Variants in ZSWIM5 observed in about 807,000 individuals in gnomAD.
ZSWIM5 encodes zinc finger SWIM domain-containing protein 5.
In ZSWIM5, 55 loss-of-function variants were observed where a neutral mutation model predicts 119.6. The observed-to-expected ratio is 0.46, with a 90% CI of 0.37 to 0.58. The LOEUF (loss-of-function observed/expected upper bound fraction) is 0.58, where lower values mean the gene tolerates loss of function less well. ZSWIM5 is among the 20% of genes least tolerant of loss of function. ZSWIM5 has a pLI of 0.00. For missense variants in ZSWIM5, 1,193 were observed against 1,512.8 expected (o/e 0.79, Z 3.51); for synonymous variants, 537 against 606.9 (o/e 0.88, Z 1.69).
intron 1 of ZSWIM5, among the ~76,000 whole-genome samples, chr1:45,182,580 A>G (rs1646028264): frequency 6.6e-6 from 1 of 152,142 alleles, no homozygotes; most frequent in Non-Finnish European, 1.5e-5. Context: ...GAAAACAAAA[A>G]AAGGCAGGGG....
intron 1 of ZSWIM5, among the ~76,000 whole-genome samples, chr1:45,161,162 G>A (rs982905979): frequency 2.0e-5 from 3 of 151,898 alleles, no homozygotes; most frequent in African/African-American, 7.3e-5. Context: ...TCTGTAGGTG[G>A]ACACTTGGGT....
At chr1:45,090,509 C>T (rs923710356) in intron 1 of ZSWIM5, among the ~76,000 whole-genome samples, 8 of 151,914 alleles carry the variant, frequency 5.3e-5, no homozygotes, top group African/African-American at 1.5e-4. Context: ...CCAGCACTTT[C>T]GGAGACCAAG....
chr1:45,040,570 G>C (rs1301681077), intron 6 of ZSWIM5, 32 bp from the exon 7 acceptor site: 1 of 1,550,364 alleles, frequency 6.5e-7, no homozygotes, highest in Non-Finnish European at 8.7e-7. Flanking sequence ...TTTTGGTCTA[G>C]TTAAAATTTC....
At chr1:45,149,154 T>C (rs1275828963) in intron 1 of ZSWIM5, among the ~76,000 whole-genome samples, 3 of 152,002 alleles carry the variant, frequency 2.0e-5, no homozygotes, top group Admixed American at 2.0e-4. Flanking sequence ...TCTATAGTCC[T>C]AACTGATACT....
chr1:45,152,736 A>C (rs1645804627), intron 1 of ZSWIM5, among the ~76,000 whole-genome samples: 1 of 152,152 alleles, frequency 6.6e-6, no homozygotes, highest in South Asian at 2.1e-4. Flanking sequence ...TTTGCAACAA[A>C]AACAAAAATT....
chr1:45,139,119 T>C (rs1343971770), intron 1 of ZSWIM5, among the ~76,000 whole-genome samples: 1 of 151,984 alleles, frequency 6.6e-6, no homozygotes, highest in African/African-American at 2.4e-5. Flanking sequence ...TGACCTCAAA[T>C]GGTCCGCCTG....
At chr1:45,152,345 A>T (rs763873570) in intron 1 of ZSWIM5, among the ~76,000 whole-genome samples, 3 of 152,222 alleles carry the variant, frequency 2.0e-5, no homozygotes, top group Non-Finnish European at 4.4e-5. Context: ...AGTTTGGCCA[A>T]GGTGGTGGTG....
chr1:45,186,090 T>C (rs1198638838), intron 1 of ZSWIM5, among the ~76,000 whole-genome samples: 7 of 151,614 alleles, frequency 4.6e-5, no homozygotes, highest in African/African-American at 9.7e-5. Context: ...GATGAGTTCA[T>C]GTCCTTTGTA....
intron 5 of ZSWIM5, 37 bp downstream of exon 5, chr1:45,051,037 T>A: frequency 6.3e-7 from 1 of 1,589,174 alleles, no homozygotes; most frequent in South Asian, 1.1e-5. Context: ...CTTTTGAAGT[T>A]CCAGGTACAA....
chr1:45,167,390 T>C (rs558382010), intron 1 of ZSWIM5, among the ~76,000 whole-genome samples: 9,285 of 151,488 alleles, frequency 0.061, 333 homozygotes, highest in East Asian at 0.11. Context: ...ACCTAGGCAA[T>C]ACCATTCAGG....
At chr1:45,182,110 T>A (rs994774589) in intron 1 of ZSWIM5, among the ~76,000 whole-genome samples, 6 of 152,176 alleles carry the variant, frequency 3.9e-5, no homozygotes, top group Admixed American at 3.9e-4. Context: ...ATGGACTAAA[T>A]GCTCCAATTA....
At chr1:45,159,658 G>A (rs767744675) in intron 1 of ZSWIM5, among the ~76,000 whole-genome samples, 39 of 151,910 alleles carry the variant, frequency 2.6e-4, no homozygotes, top group Non-Finnish European at 1.3e-4. Flanking sequence ...GCACGATCTA[G>A]GCTCACTGCA....
At chr1:45,081,528 G>C (rs1329758958) in intron 2 of ZSWIM5, among the ~76,000 whole-genome samples, 1 of 152,218 alleles carries the variant, frequency 6.6e-6, no homozygotes, top group Non-Finnish European at 1.5e-5. Context: ...GGCCGGGCTG[G>C]TCTCCAGCTC....
chr1:45,089,241 CA>C (rs1183244737), intron 1 of ZSWIM5, among the ~76,000 whole-genome samples: 12 of 152,140 alleles, frequency 7.9e-5, no homozygotes, highest in Non-Finnish European at 1.3e-4. Context: ...CTCAGCCTCC[CA>C]AAGTGCTGGG....
intron 1 of ZSWIM5, among the ~76,000 whole-genome samples, chr1:45,156,265 T>C (rs1645826493): frequency 6.6e-6 from 1 of 151,304 alleles, no homozygotes; most frequent in African/African-American, 2.4e-5. Context: ...AAGATGGCAA[T>C]ATTAGACACT....
Position 45,088,326 on chromosome 1 carries a change from A to T in ZSWIM5, c.596-89T>A. ...TACATGTAAATTCATCAATTCATAA[A>T]TTATGTATTGGGTATCTCCTACACA... On this transcript the variant is annotated intron_variant, in intron 1 of 13. Transcript: ENST00000359600. The surrounding 1 kb of genome is among the most constrained non-coding windows in gnomAD (Gnocchi z 4.2). The T allele has an allele frequency of 3.1e-6, 3 of 953,894 alleles. No individual in the cohort carries two copies. The highest frequency in any genetic ancestry group is 4.6e-6 in the Non-Finnish European group (3 of 651,608). 59.1% of individuals were successfully genotyped at this position (953,894 alleles called of 1,614,324 possible). A position where few individuals can be genotyped will look rare whatever the true frequency, so the allele number is the denominator to read the frequency against.
At chr1:45,156,347 T>C (rs1166436078) in intron 1 of ZSWIM5, among the ~76,000 whole-genome samples, 1 of 151,920 alleles carries the variant, frequency 6.6e-6, no homozygotes, top group Non-Finnish European at 1.5e-5. Flanking sequence ...CTATCCTCAC[T>C]ATATGGGTGA....
chr1:45,071,380 T>C (rs1645220740), intron 2 of ZSWIM5, among the ~76,000 whole-genome samples: 1 of 152,016 alleles, frequency 6.6e-6, no homozygotes. Context: ...GATGTTTGTC[T>C]TTCTGTGCCT....
intron 11 of ZSWIM5, among the ~76,000 whole-genome samples, chr1:45,033,224 A>G (rs1192299411): frequency 1.3e-5 from 2 of 152,204 alleles, no homozygotes; most frequent in Non-Finnish European, 2.9e-5. Flanking sequence ...AGTTGTCTAA[A>G]AACGATTTGT....
Sources: allele counts gnomAD v4.1 joint callset (sites outside exome capture counted in the v4.1 genomes callset), GRCh38; gene constraint gnomAD v4.1.1; non-coding constraint Gnocchi (gnomAD v3.1); transcripts MANE v1.5; gene names NCBI Gene and HGNC (gene_info 2026-07-23, HGNC 2026-07-21).